The following ZCCHC14 variants were observed in gnomAD, a reference collection of about 807,000 sequenced individuals.
ZCCHC14 encodes zinc finger CCHC-type containing 14.
In ZCCHC14, 16 loss-of-function variants were observed where a neutral mutation model predicts 85.0. The observed-to-expected ratio is 0.19, with a 90% CI of 0.13 to 0.29. ZCCHC14 has a LOEUF of 0.29. Ranked by LOEUF, ZCCHC14 falls within the 10% of genes least tolerant of loss-of-function variation. The pLI, the probability that ZCCHC14 is intolerant of heterozygous loss-of-function variation, is 1.00. For missense variants in ZCCHC14, 1,303 were observed against 1,443.5 expected, an observed-to-expected ratio of 0.90 and a Z score of 1.58; for synonymous variants, 775 against 630.7, an observed-to-expected ratio of 1.23 and a Z score of -3.43.
intron 7 of ZCCHC14, chr16:87,418,008 G>C (rs1403368290): frequency 2.1e-6 from 1 of 477,376 alleles, no homozygotes; most frequent in African/African-American, 1.9e-5. Context: ...ACATGCCTCT[G>C]CCCGTGCTTC....
intron 6 of ZCCHC14, 109 bp downstream of exon 6, chr16:87,419,674 G>A (rs111792809): frequency 5.7e-6 from 5 of 873,924 alleles, no homozygotes; most frequent in African/African-American, 5.2e-5. Context: ...AACCTCAGGT[G>A]ATCCGCCCGC....
intron 1 of ZCCHC14, chr16:87,471,006 G>A (rs1911748675): frequency 6.6e-6 from 1 of 151,932 alleles, no homozygotes; most frequent in Non-Finnish European, 1.5e-5. Flanking sequence ...TATAGAAAAA[G>A]CAAGCTTCTA....
rs1909049102 is a variant in ZCCHC14 at position 87,420,676 on chromosome 16, A to G, written c.881T>C (p.Ile294Thr). Residue 294 changes from isoleucine (I) to threonine (T), a missense_variant, in exon 5 of 13, where the codon ATT becomes ACT. Around this residue, in one of 7 missense-constraint regions of ZCCHC14, gnomAD observed 389 missense variants for 397.8 expected, o/e 0.98. Transcript: ENST00000671377. This position sits in a 1 kb window ranked among gnomAD's most constrained non-coding sequence, Gnocchi z 5.0. ...TGCGTCCGGACCAGCTAAGCAAGGA[A>G]TGAGTTTCTCCAAGTTCTCTTCAGG... ...LYPEENLEKL[I>T]PCLAGPDAFY... 2.5e-6 allele frequency: 4 copies of G among 1,613,700 alleles called. No individual in the cohort carries two copies. The highest frequency in any genetic ancestry group is 3.4e-6 in the Non-Finnish European group (4 of 1,179,762).
At chr16:87,454,686 C>A (rs1483833800) in intron 2 of ZCCHC14, among the ~76,000 whole-genome samples, 1 of 152,214 alleles carries the variant, frequency 6.6e-6, no homozygotes, top group African/African-American at 2.4e-5. Context: ...AAATGAAGAG[C>A]AGTGGGAATA....
Position 87,411,730 on chromosome 16 carries a change from T to G in ZCCHC14, c.2991A>C (p.Pro997=). The G allele has an allele frequency of 6.2e-7, 1 of 1,613,932 alleles. No individual in the cohort carries two copies. ...TGGACTGCCCACTCAGGACAGGGTC[T>G]GGGGTCCCGCTGCTGCTGTAAGGGG... The part of the protein sequence containing the change: ...VHAPYSSSGT[P]DPVLSGQSTF... Residue 997 remains proline (P), a synonymous_variant, in exon 12 of 13, where the codon CCA becomes CCC. Coordinates refer to ENST00000671377, the MANE Select transcript of ZCCHC14 (RefSeq NM_015144.3).
rs138306040 is a variant in ZCCHC14 at position 87,482,080 on chromosome 16, G to A, written c.570+9589C>T. On this transcript the variant is annotated intron_variant, in intron 1 of 12. Transcript: ENST00000671377. Reference sequence around the variant, plus strand: ...GTAATGGCAGTGGCAGAGCCCTCCCGACCTACCCATGTCCCAACACTGCCG... The same window carrying A: ...GTAATGGCAGTGGCAGAGCCCTCCCAACCTACCCATGTCCCAACACTGCCG... 8.1e-3 allele frequency among the ~76,000 whole-genome samples: 1,231 copies of A among 152,236 alleles called. 14 individuals carry two copies. Among genetic ancestry groups the A allele is most frequent in the Middle Eastern group, 0.058 (17 of 294 alleles).
intron 4 of ZCCHC14, among the ~76,000 whole-genome samples, chr16:87,422,858 C>A (rs1169353859): frequency 6.6e-6 from 1 of 151,734 alleles, no homozygotes; most frequent in East Asian, 1.9e-4. Flanking sequence ...CACACAGAGG[C>A]GAGGAGATTT....
chr16:87,426,337 C>A (rs1909370261), intron 3 of ZCCHC14, among the ~76,000 whole-genome samples: 1 of 152,232 alleles, frequency 6.6e-6, no homozygotes, highest in Non-Finnish European at 1.5e-5. Context: ...GCATCCACAA[C>A]CAGCTACCCC....
rs1180961484 is a variant in ZCCHC14, at chr16:87,417,705, T to C, written c.1138A>G (p.Ser380Gly). Reference sequence around the variant, plus strand: ...TGCTGCCCGTGGTGCTGGGCTCCGCTCTGCGAGGACGGGATACCAGCCACT... The same window carrying C: ...TGCTGCCCGTGGTGCTGGGCTCCGCCCTGCGAGGACGGGATACCAGCCACT... ...CGVAGIPSSQ[S>G]GAQHHGQHPA... Residue 380 changes from serine (S) to glycine (G), a missense_variant, in exon 8 of 13, where the codon AGC (serine) becomes GGC (glycine). Physicochemically the swap from Ser to Gly is moderately conservative, Grantham distance 56. This residue lies in a region of ZCCHC14 where 389 missense variants were observed against 397.8 expected (regional missense o/e 0.98). Transcript: ENST00000671377. The C allele has an allele frequency of 2.5e-6, 4 of 1,606,888 alleles. No homozygotes were observed. The Admixed American group carries it at 6.7e-5, about 27-fold the overall frequency.
chr16:87,435,999 A>C (rs2150740403), intron 2 of ZCCHC14, among the ~76,000 whole-genome samples: 1 of 152,334 alleles, frequency 6.6e-6, no homozygotes, highest in Middle Eastern at 3.4e-3. Flanking sequence ...ACTCTAATCC[A>C]TGTATTTTAC....
At chr16:87,411,265 AG>A in intron 12 of ZCCHC14, 1 of 1,035,838 alleles carries the variant, frequency 9.7e-7, no homozygotes, top group Non-Finnish European at 1.3e-6. Context: ...CAGTCCAGGG[AG>A]GCCCTGTCCA....
intron 3 of ZCCHC14, among the ~76,000 whole-genome samples, chr16:87,432,596 G>C (rs1909716468): frequency 6.6e-6 from 1 of 152,120 alleles, no homozygotes; most frequent in Admixed American, 6.5e-5. Flanking sequence ...GTGGCCTCCT[G>C]CACGCCCTGC....
At chr16:87,478,774 T>C (rs1221326055) in intron 1 of ZCCHC14, among the ~76,000 whole-genome samples, 2 of 151,962 alleles carry the variant, frequency 1.3e-5, no homozygotes, top group African/African-American at 4.8e-5. Flanking sequence ...GCCCGGCTAA[T>C]TTTTGTATTT....
chr16:87,492,594 G>A lies in ZCCHC14; in HGVS notation c.-356C>T, dbSNP rs1203060664. The A allele has an allele frequency of 2.7e-5, 4 of 146,622 alleles. No homozygotes were observed. Among genetic ancestry groups the A allele is most frequent in the Non-Finnish European group, 6.0e-5 (4 of 66,172 alleles). The allele number at this position is 146,622 out of a possible 1,614,324, so 9.1% of individuals were successfully genotyped here. A position where few individuals can be genotyped will look rare whatever the true frequency, so the allele number is the denominator to read the frequency against. On this transcript the variant is annotated 5_prime_UTR_variant, in exon 1 of 13. Transcript: ENST00000671377. The surrounding 1 kb of genome is among the most constrained non-coding windows in gnomAD (Gnocchi z 6.7). ...CCGGTGCGCGGCGGCGGCGGCGGCT[G>A]CTCCTCGTCGTCGTCGTCGTCGTCG...
intron 2 of ZCCHC14, among the ~76,000 whole-genome samples, chr16:87,459,511 A>ATT (rs11385063): frequency 2.5e-4 from 35 of 140,558 alleles, no homozygotes; most frequent in South Asian, 4.8e-4. Context: ...GGCCTGGCTA[A>ATT]TTTTTTTTTT....
At chr16:87,480,015 T>C (rs1912193497) in intron 1 of ZCCHC14, among the ~76,000 whole-genome samples, 1 of 151,944 alleles carries the variant, frequency 6.6e-6, no homozygotes, top group African/African-American at 2.4e-5. Context: ...CCTCAAGTGA[T>C]CCACCTGCCT....
chr16:87,461,365 A>G (rs1330526430), intron 1 of ZCCHC14, among the ~76,000 whole-genome samples: 1 of 152,256 alleles, frequency 6.6e-6, no homozygotes, highest in Non-Finnish European at 1.5e-5. Context: ...AGGATTTAGA[A>G]GAATAAAAAT....
At chr16:87,418,181 T>C (rs1357846656) in intron 7 of ZCCHC14, among the ~76,000 whole-genome samples, 1 of 152,248 alleles carries the variant, frequency 6.6e-6, no homozygotes, top group Non-Finnish European at 1.5e-5. Context: ...AGAATGACAC[T>C]GATAAATCAT....
In ZCCHC14 at chr16:87,411,933, A is replaced by G. The variant is rs1011837853; in HGVS notation, c.2788T>C (p.Cys930Arg). Reference protein sequence around the residue: ...PGCIVCTSCGCSGSCGSSGLT... With the variant: ...PGCIVCTSCGRSGSCGSSGLT... ...CCACTCGAGCCGCAGCTGCCGCTGC[A>G]GCCACAGGACGTGCACACAATGCAG... Residue 930 changes from cysteine (C) to arginine (R), a missense_variant, in exon 12 of 13, where the codon TGC becomes CGC. Around this residue, in one of 7 missense-constraint regions of ZCCHC14, gnomAD observed 797 missense variants for 730.8 expected, o/e 1.09. Coordinates refer to ENST00000671377, the MANE Select transcript of ZCCHC14 (RefSeq NM_015144.3). 1 of 1,606,874 alleles carries G rather than the reference A, an allele frequency of 6.2e-7. No homozygotes were observed. The highest frequency in any genetic ancestry group is 8.5e-7 in the Non-Finnish European group (1 of 1,177,748).
Sources: gnomAD v4.1 joint callset for allele counts (sites outside exome capture counted in the v4.1 genomes callset) on GRCh38, gnomAD v4.1.1 for gene constraint, gnomAD v4.1.1 regional missense constraint, Gnocchi (gnomAD v3.1) non-coding constraint, MANE v1.5 for transcripts, NCBI Gene and HGNC (gene_info 2026-07-23, HGNC 2026-07-21) for gene names.